The following LCP2 variants were observed in gnomAD, a reference collection of about 807,000 sequenced individuals.
LCP2 encodes lymphocyte cytosolic protein 2.
A neutral mutation model predicts 74.5 loss-of-function variants in LCP2; 29 were observed. The observed-to-expected ratio is 0.39, with a 90% CI of 0.29 to 0.53. LCP2 has a LOEUF of 0.53. Among genes scored for constraint, LCP2 ranks in the 20% least tolerant of loss-of-function variants. The pLI, the probability that LCP2 is intolerant of heterozygous loss-of-function variation, is 0.72. For synonymous variants in LCP2, 228 were observed against 229.5 expected, an observed-to-expected ratio of 0.99 and a Z score of 0.06; for missense variants, 604 against 634.6, an observed-to-expected ratio of 0.95 and a Z score of 0.52.
chr5:170,277,080 A>C (rs2113192251), intron 3 of LCP2, among the ~76,000 whole-genome samples: 1 of 150,966 alleles, frequency 6.6e-6, no homozygotes, highest in South Asian at 2.1e-4. Flanking sequence ...ATCTTAAAAA[A>C]AAAAAAAAAA....
At chr5:170,272,597 C>CTTTTTTTTTTTTTTTTTTTTTTTTTTTT (rs61463939) in intron 6 of LCP2, among the ~76,000 whole-genome samples, 3 of 40,342 alleles carry the variant, frequency 7.4e-5, no homozygotes, top group African/African-American at 1.7e-4. Flanking sequence ...CAAATATTTT[C>CTTTTTTTTTTTTTTTTTTTTTTTTTTTT]TTTTTTTTTT....
At chr5:170,255,771 A>C (rs1003758984) in intron 17 of LCP2, among the ~76,000 whole-genome samples, 1 of 152,178 alleles carries the variant, frequency 6.6e-6, no homozygotes, top group African/African-American at 2.4e-5. Flanking sequence ...GAAATTCAGA[A>C]ACTCAGGCCT....
At chr5:170,254,069 C>A (rs1382436621) in intron 17 of LCP2, among the ~76,000 whole-genome samples, 1 of 152,172 alleles carries the variant, frequency 6.6e-6, no homozygotes, top group East Asian at 1.9e-4. Flanking sequence ...AATATTTATT[C>A]AGCACAACTC....
At chr5:170,263,154 G>A (rs1161734776) in intron 10 of LCP2, among the ~76,000 whole-genome samples, 162 bp from the exon 11 acceptor site, 1 of 152,154 alleles carries the variant, frequency 6.6e-6, no homozygotes, top group Non-Finnish European at 1.5e-5. Context: ...GTCCGTTAGA[G>A]ACCACCAAAT....
intron 3 of LCP2, among the ~76,000 whole-genome samples, chr5:170,286,850 C>T (rs1762190694): frequency 6.6e-6 from 1 of 152,182 alleles, no homozygotes; most frequent in East Asian, 1.9e-4. Flanking sequence ...TTATGATGAG[C>T]TCTGAGACCC....
chr5:170,283,145 T>C (rs1762130908), intron 3 of LCP2, among the ~76,000 whole-genome samples: 1 of 152,196 alleles, frequency 6.6e-6, no homozygotes, highest in South Asian at 2.1e-4. Flanking sequence ...CCCTTCATGT[T>C]CTATGGGCAG....
At chr5:170,284,896 G>A (rs114196177) in intron 3 of LCP2, among the ~76,000 whole-genome samples, 2,335 of 151,942 alleles carry the variant, frequency 0.015, 73 homozygotes, top group African/African-American at 0.054. Flanking sequence ...AACTACAGTC[G>A]CCTGCCACCA....
At chr5:170,254,941 A>T (rs1041143918) in intron 17 of LCP2, among the ~76,000 whole-genome samples, 1 of 152,254 alleles carries the variant, frequency 6.6e-6, no homozygotes, top group African/African-American at 2.4e-5. Flanking sequence ...GTGTCCTGGC[A>T]GTCTTAGGGG....
At chr5:170,261,227 G>T in intron 13 of LCP2, 90 bp from the exon 14 acceptor site, 1 of 985,366 alleles carries the variant, frequency 1.0e-6, no homozygotes, top group Non-Finnish European at 1.6e-6. Context: ...ATTGAATAAT[G>T]AGAAATCGAA....
chr5:170,258,294 G>A, intron 15 of LCP2, 128 bp from the exon 16 acceptor site: 1 of 952,776 alleles, frequency 1.0e-6, no homozygotes, highest in Non-Finnish European at 1.6e-6. Flanking sequence ...CAGATCAGAT[G>A]TAATTAGGAA....
chr5:170,255,172 T>G (rs1265457714), intron 17 of LCP2, among the ~76,000 whole-genome samples: 1 of 152,138 alleles, frequency 6.6e-6, no homozygotes, highest in East Asian at 1.9e-4. Flanking sequence ...AAATTAGGGG[T>G]TGGGCGAGAA....
intron 20 of LCP2, 90 bp downstream of exon 20, chr5:170,250,640 C>T: frequency 4.9e-6 from 5 of 1,025,344 alleles, no homozygotes; most frequent in South Asian, 1.3e-5. Flanking sequence ...ATTTGCCATA[C>T]AGCACGGACT....
rs186120467 is a variant in LCP2, at chr5:170,246,333, A to T, written c.*2364T>A. On this transcript the variant is annotated 3_prime_UTR_variant, in exon 21 of 21. Coordinates refer to ENST00000046794, the MANE Select transcript of LCP2 (RefSeq NM_005565.5). Reference sequence around the variant, plus strand: ...GGAAATTGGCCATGGGTCACTGCTTATCCTTTAGCTTATGCTTGAATTTGG... The same window carrying T: ...GGAAATTGGCCATGGGTCACTGCTTTTCCTTTAGCTTATGCTTGAATTTGG... 1.6e-4 allele frequency: 58 copies of T among 357,980 alleles called. No homozygotes were observed. The highest frequency in any genetic ancestry group is 1.1e-3 in the African/African-American group (52 of 48,724). The allele number at this position is 357,980 out of a possible 1,614,324, so 22.2% of individuals were successfully genotyped here. A position where few individuals can be genotyped will look rare whatever the true frequency, so the allele number is the denominator to read the frequency against.
At chr5:170,292,460 G>C (rs948445003) in intron 2 of LCP2, among the ~76,000 whole-genome samples, 6 of 152,190 alleles carry the variant, frequency 3.9e-5, no homozygotes, top group African/African-American at 1.4e-4. Context: ...GCTGGAGCTT[G>C]TGATCTCTCT....
Position 170,268,376 on chromosome 5 carries a change from G to T in LCP2, c.621+9C>A. Reference sequence around the variant, plus strand: ...ACCAAGTACTGTAAAAGAACGGGAGGAGGCCTACCGAGTGATTCCGGCCGG... The same window carrying T: ...ACCAAGTACTGTAAAAGAACGGGAGTAGGCCTACCGAGTGATTCCGGCCGG... On this transcript the variant is annotated intron_variant, in intron 8 of 20. Coordinates refer to ENST00000046794, the MANE Select transcript of LCP2 (RefSeq NM_005565.5). 1 of 660,014 alleles carries T rather than the reference G, an allele frequency of 1.5e-6. No individual in the cohort carries two copies. The highest frequency in any genetic ancestry group is 2.0e-6 in the Non-Finnish European group (1 of 489,254). The allele number at this position is 660,014 out of a possible 1,614,324, so 40.9% of individuals were successfully genotyped here.
At position 170,275,697 on chromosome 5, in the gene LCP2, C is replaced by G. The variant is rs1761994499; in HGVS notation, c.254+98G>C. The G allele has an allele frequency of 4.9e-6, 5 of 1,026,236 alleles. No individual in the cohort carries two copies. The East Asian group carries it at 7.8e-5, about 16-fold the overall frequency. The allele number at this position is 1,026,236 out of a possible 1,614,324, so 63.6% of individuals were successfully genotyped here. ...ACCCCTGGGATTCAGGGGACAAATG[C>G]AGATCAAAAAGTAGGGCAAAAACAG... On this transcript the variant is annotated intron_variant, in intron 4 of 20. Transcript: ENST00000046794.
At chr5:170,286,046 C>T (rs1457395402) in intron 3 of LCP2, among the ~76,000 whole-genome samples, 2 of 152,190 alleles carry the variant, frequency 1.3e-5, no homozygotes, top group Non-Finnish European at 2.9e-5. Context: ...TTGAAAATTG[C>T]TCTTTCATAT....
At chr5:170,249,029 G>T (rs1476948518) in intron 20 of LCP2, among the ~76,000 whole-genome samples, 1 of 152,106 alleles carries the variant, frequency 6.6e-6, no homozygotes, top group African/African-American at 2.4e-5. Context: ...CATAGATAAA[G>T]ATAAAATATG....
intron 19 of LCP2, 33 bp from the exon 20 acceptor site, chr5:170,250,918 A>G (rs1761423457): frequency 1.3e-6 from 2 of 1,590,052 alleles, no homozygotes; most frequent in East Asian, 2.2e-5. Context: ...TTATGGGAGC[A>G]GTAAAAGTCA....
Sources: allele counts gnomAD v4.1 joint callset (sites outside exome capture counted in the v4.1 genomes callset), GRCh38; gene constraint gnomAD v4.1.1; transcripts MANE v1.5; gene names NCBI Gene and HGNC (gene_info 2026-07-23, HGNC 2026-07-21).